The following PAX1 variants were observed in gnomAD, a reference collection of about 807,000 sequenced individuals.
PAX1 encodes paired box protein Pax-1.
A neutral mutation model predicts 35.6 loss-of-function variants in PAX1; 18 were observed. That is an observed-to-expected ratio of 0.50 (90% confidence interval 0.35 to 0.75). The LOEUF (loss-of-function observed/expected upper bound fraction) is 0.75. Among genes scored for constraint, PAX1 ranks in the 30% least tolerant of loss-of-function variants. The probability of loss-of-function intolerance (pLI) is 0.01; values close to 1 mark genes in which losing one functional copy is unlikely to be tolerated. For missense variants in PAX1, 760 were observed against 661.5 expected (o/e 1.15, Z -1.63); for synonymous variants, 397 against 305.2 (o/e 1.30, Z -3.14).
At chr20:21,708,492 G>A in intron 2 of PAX1, 66 bp from the exon 3 acceptor site, 1 of 1,585,560 alleles carries the variant, frequency 6.3e-7, no homozygotes, top group Non-Finnish European at 8.6e-7. Context: ...AAATTGGGTG[G>A]TTGGCCACAC....
intron 4 of PAX1, among the ~76,000 whole-genome samples, chr20:21,711,568 T>C (rs548180446): frequency 2.6e-5 from 4 of 152,250 alleles, no homozygotes; most frequent in Non-Finnish European, 5.9e-5. Flanking sequence ...AATAATTTGT[T>C]ACTCTAGTTA....
rs1019417903 is a variant in PAX1 at position 21,706,877 on chromosome 20, G to A, written c.726G>A (p.Ser242=). 21 of 1,613,312 alleles carry A rather than the reference G, an allele frequency of 1.3e-5. No homozygotes were observed. The highest frequency in any genetic ancestry group is 1.7e-5 in the Non-Finnish European group (20 of 1,180,026). ...ACGAGGCAAGTAAGCAGCCGCCGTC[G>A]CAGCCTACGCTGCCCTACAACCACA... ...GPYEASKQPP[S]QPTLPYNHIY... Residue 242 remains serine (S), a synonymous_variant, in exon 2 of 5, where the codon TCG becomes TCA. Transcript: ENST00000613128. The surrounding 1 kb of genome is among the most constrained non-coding windows in gnomAD (Gnocchi z 5.3).
chr20:21,714,274 C>T (rs1985291231), intron 4 of PAX1, among the ~76,000 whole-genome samples, 197 bp from the exon 5 acceptor site: 1 of 152,198 alleles, frequency 6.6e-6, no homozygotes, highest in African/African-American at 2.4e-5. Context: ...GCAAGTGGCT[C>T]TCCTAGCGGG....
Position 21,718,481 on chromosome 20 carries a change from A to G in PAX1, c.*3919A>G, listed in dbSNP as rs545398182. 40 of 152,352 alleles carry G rather than the reference A, an allele frequency of 2.6e-4. No homozygotes were observed. The highest frequency in any genetic ancestry group is 8.4e-4 in the African/African-American group (35 of 41,578). 9.4% of individuals were successfully genotyped at this position (152,352 alleles called of 1,614,324 possible). A position where few individuals can be genotyped will look rare whatever the true frequency, so the allele number is the denominator to read the frequency against. On this transcript the variant is annotated 3_prime_UTR_variant, in exon 5 of 5. Coordinates refer to ENST00000613128, the MANE Select transcript of PAX1 (RefSeq NM_001257096.2). ...GCTACAAATAAAGTTTAGATTTTCAATACTGGCACAAGCATTTTTTTAAAC... is the reference window on the plus strand; with the variant it reads ...GCTACAAATAAAGTTTAGATTTTCAGTACTGGCACAAGCATTTTTTTAAAC...
chr20:21,714,691 G>C lies in PAX1; in HGVS notation c.*129G>C. 6.2e-7 allele frequency: 1 copy of C among 1,605,784 alleles called. No individual in the cohort carries two copies. Among genetic ancestry groups the C allele is most frequent in the South Asian group, 1.1e-5 (1 of 90,944 alleles). On this transcript the variant is annotated 3_prime_UTR_variant, in exon 5 of 5. Coordinates refer to ENST00000613128, the MANE Select transcript of PAX1 (RefSeq NM_001257096.2). ...CTCGCGGAGGAGGAAGCCAGTGCCGGCCCGCGGGGTGCACGCCCAGCCAGC... is the reference window on the plus strand; with the variant it reads ...CTCGCGGAGGAGGAAGCCAGTGCCGCCCCGCGGGGTGCACGCCCAGCCAGC...
rs765341258 is a variant in PAX1, at chr20:21,714,719, C to T, written c.*157C>T. On this transcript the variant is annotated 3_prime_UTR_variant, in exon 5 of 5. Transcript: ENST00000613128. ...CGCGGGGTGCACGCCCAGCCAGCCC[C>T]CAGGCCCAGCCCTGCCTCTGGCCGG... 5.0e-6 allele frequency: 8 copies of T among 1,605,630 alleles called. No homozygotes were observed. Among genetic ancestry groups the T allele is most frequent in the Middle Eastern group, 1.6e-4 (1 of 6,062 alleles).
At position 21,714,649 on chromosome 20, in the gene PAX1, C is replaced by CG; in HGVS notation, c.*90dup. 1 of 1,592,250 alleles carries CG rather than the reference C, an allele frequency of 6.3e-7. No individual in the cohort carries two copies. Among genetic ancestry groups the CG allele is most frequent in the East Asian group, 2.3e-5 (1 of 44,224 alleles). On this transcript the variant is annotated 3_prime_UTR_variant, in exon 5 of 5. Coordinates refer to ENST00000613128, the MANE Select transcript of PAX1 (RefSeq NM_001257096.2). ...TGCGCGGCGGCCCCGGCAATCGGCA[C>CG]GGGCAGGATCGGAGGACTCGCGGAG...
In PAX1 at chr20:21,718,466, A is replaced by G. The variant is rs1293691810; in HGVS notation, c.*3904A>G. On this transcript the variant is annotated 3_prime_UTR_variant, in exon 5 of 5. Transcript: ENST00000613128. ...TGTGAAGAAATACTGGCTACAAATA[A>G]AGTTTAGATTTTCAATACTGGCACA... 1 of 152,142 alleles carries G rather than the reference A, an allele frequency of 6.6e-6. No homozygotes were observed. Among genetic ancestry groups the G allele is most frequent in the Non-Finnish European group, 1.5e-5 (1 of 68,032 alleles). 9.4% of individuals were successfully genotyped at this position (152,142 alleles called of 1,614,324 possible). A position where few individuals can be genotyped will look rare whatever the true frequency, so the allele number is the denominator to read the frequency against.
chr20:21,707,915 T>C (rs936031395), intron 2 of PAX1, among the ~76,000 whole-genome samples: 2 of 152,180 alleles, frequency 1.3e-5, no homozygotes, highest in African/African-American at 4.8e-5. Context: ...GTGGCCCTGC[T>C]CTGGCTTTGT....
rs1439457511 is a variant in PAX1 at position 21,718,303 on chromosome 20, G to C, written c.*3741G>C. The stretch of plus-strand genomic sequence containing the variant: ...AGAGGCATGAAGTTTTGCCCTTCTT[G>C]AATATGCCCCGAGTTGTTCTACAGA... On this transcript the variant is annotated 3_prime_UTR_variant, in exon 5 of 5. Transcript: ENST00000613128. 1 of 152,196 alleles carries C rather than the reference G, an allele frequency of 6.6e-6. No homozygotes were observed. Among genetic ancestry groups the C allele is most frequent in the African/African-American group, 2.4e-5 (1 of 41,444 alleles). 9.4% of individuals were successfully genotyped at this position (152,196 alleles called of 1,614,324 possible).
intron 4 of PAX1, among the ~76,000 whole-genome samples, chr20:21,711,263 G>C (rs570411467): frequency 1.3e-5 from 2 of 152,368 alleles, no homozygotes; most frequent in African/African-American, 4.8e-5. Context: ...TTTCAATAGA[G>C]CCACTTTGCC....
At chr20:21,711,593 T>C (rs1251859907) in intron 4 of PAX1, among the ~76,000 whole-genome samples, 3 of 152,242 alleles carry the variant, frequency 2.0e-5, no homozygotes, top group African/African-American at 7.2e-5. Context: ...ATTAATAATT[T>C]AATTTTGTGG....
Position 21,709,276 on chromosome 20 carries a change from G to T in PAX1, c.1114G>T (p.Ala372Ser), listed in dbSNP as rs145709989. Residue 372 changes from alanine (A) to serine (S), a missense_variant, in exon 4 of 5, where the codon GCC (alanine) becomes TCC (serine). Physicochemically the swap from Ala to Ser is moderately conservative, Grantham distance 99. This residue lies in a region of PAX1 where 490 missense variants were observed against 428.4 expected (regional missense o/e 1.14). Transcript: ENST00000613128. ...CTTTCTCCCCGCCTGCGCCTACCCG[G>T]CCTCCAACCAGCACGGCGTGTACAG... ...GGFLPACAYP[A>S]SNQHGVYSAP... The T allele has an allele frequency of 6.2e-7, 1 of 1,605,616 alleles. No individual in the cohort carries two copies. The highest frequency in any genetic ancestry group is 8.5e-7 in the Non-Finnish European group (1 of 1,179,684).
At position 21,705,958 on chromosome 20, in the gene PAX1, C is replaced by A; in HGVS notation, c.246C>A (p.Gly82=). ...CCGGGCCCAGCCCCGGCCACCCCGG[C>A]CACCCCGGCGCCAGGCAGCTGGCCG... ...DCAGPSPGHP[G]HPGARQLAGP... is the part of the protein sequence containing the mutation. The change falls in exon 1 of 5, where the codon GGC becomes GGA. Residue 82 remains glycine (G), a synonymous_variant. Transcript: ENST00000613128. 6.7e-7 allele frequency: 1 copy of A among 1,487,536 alleles called. No homozygotes were observed. Among genetic ancestry groups the A allele is most frequent in the Non-Finnish European group, 8.9e-7 (1 of 1,127,692 alleles). 92.1% of individuals were successfully genotyped at this position (1,487,536 alleles called of 1,614,324 possible). A position where few individuals can be genotyped will look rare whatever the true frequency, so the allele number is the denominator to read the frequency against.
At position 21,707,815 on chromosome 20, in the gene PAX1, C is replaced by A. The variant is rs377682828; in HGVS notation, c.917-743C>A. 2.0e-5 allele frequency among the ~76,000 whole-genome samples: 3 copies of A among 152,212 alleles called. No individual in the cohort carries two copies. In the East Asian group the frequency reaches 5.8e-4, roughly 29 times the overall value. On this transcript the variant is annotated intron_variant, in intron 2 of 4. Coordinates refer to ENST00000613128, the MANE Select transcript of PAX1 (RefSeq NM_001257096.2). ...TAGGTGATCAGACTCAGGAGGAGGGCAAGAAGCAAAATTCACCATAGCCTA... is the reference window on the plus strand; with the variant it reads ...TAGGTGATCAGACTCAGGAGGAGGGAAAGAAGCAAAATTCACCATAGCCTA...
At chr20:21,710,263 A>G (rs1003202506) in intron 4 of PAX1, among the ~76,000 whole-genome samples, 7 of 152,190 alleles carry the variant, frequency 4.6e-5, no homozygotes, top group African/African-American at 9.6e-5. Flanking sequence ...TCACACAACC[A>G]GGAGGGTTCC....
In PAX1 at chr20:21,705,686, C is replaced by T. The variant is rs115396002; in HGVS notation, c.-27C>T. 2,170 of 1,235,934 alleles carry T rather than the reference C, an allele frequency of 1.8e-3. 30 individuals carry two copies. The African/African-American group carries it at 0.029, about 17-fold the overall frequency. The allele number at this position is 1,235,934 out of a possible 1,614,324, so 76.6% of individuals were successfully genotyped here. On this transcript the variant is annotated 5_prime_UTR_variant, in exon 1 of 5. Coordinates refer to ENST00000613128, the MANE Select transcript of PAX1 (RefSeq NM_001257096.2). ...ATTGATTCCCGCACGCTGCAGCCTCCCGGTCAGACGAATTTCTCCCAATCG... is the reference window on the plus strand; with the variant it reads ...ATTGATTCCCGCACGCTGCAGCCTCTCGGTCAGACGAATTTCTCCCAATCG...
chr20:21,706,780 A>C lies in PAX1; in HGVS notation c.629A>C (p.Asn210Thr). 6.2e-7 allele frequency: 1 copy of C among 1,613,426 alleles called. No individual in the cohort carries two copies. The change falls in exon 2 of 5, where the codon AAT becomes ACT. Residue 210 changes from asparagine (N) to threonine (T), a missense_variant. Asn to Thr is a moderately conservative substitution (Grantham distance 65). This residue lies in a region of PAX1 where 490 missense variants were observed against 428.4 expected (regional missense o/e 1.14). Coordinates refer to ENST00000613128, the MANE Select transcript of PAX1 (RefSeq NM_001257096.2). The surrounding 1 kb of genome is among the most constrained non-coding windows in gnomAD (Gnocchi z 5.3). The stretch of plus-strand genomic sequence containing the variant: ...GCCGACGGCGTCTGTGACAAGTACA[A>C]TGTGCCTTCGGTGAGCTCCATCAGC... ...LLADGVCDKY[N>T]VPSVSSISRI...
chr20:21,710,151 C>T (rs1246077015), intron 4 of PAX1, among the ~76,000 whole-genome samples: 1 of 151,956 alleles, frequency 6.6e-6, no homozygotes, highest in Non-Finnish European at 1.5e-5. Context: ...CCTCCTTTTC[C>T]GCTTCCTCCT....
Sources: gnomAD v4.1 joint callset for allele counts (sites outside exome capture counted in the v4.1 genomes callset) on GRCh38, gnomAD v4.1.1 for gene constraint, gnomAD v4.1.1 regional missense constraint, Gnocchi (gnomAD v3.1) non-coding constraint, MANE v1.5 for transcripts, NCBI Gene and HGNC (gene_info 2026-07-23, HGNC 2026-07-21) for gene names.